Variants in STRIP2 observed in about 807,000 individuals in gnomAD.
STRIP2 encodes the protein striatin-interacting protein 2.
Under a neutral mutation model 107.1 loss-of-function variants are expected in STRIP2, and 84 were observed. That is an observed-to-expected ratio of 0.78 (90% CI 0.66 to 0.94). STRIP2 has a LOEUF of 0.94. Among genes scored for constraint, STRIP2 ranks in the 40% least tolerant of loss-of-function variants. STRIP2 has a pLI of 0.00. For missense variants in STRIP2, 888 were observed against 1,034.2 expected, an observed-to-expected ratio of 0.86 and a Z score of 1.94; for synonymous variants, 394 against 400.4, an observed-to-expected ratio of 0.98 and a Z score of 0.19.
intron 9 of STRIP2, among the ~76,000 whole-genome samples, chr7:129,456,996 A>C (rs1798379222): frequency 6.6e-6 from 1 of 152,168 alleles, no homozygotes; most frequent in African/African-American, 2.4e-5. Flanking sequence ...GTCTCCAAGC[A>C]AATCCATTTT....
intron 19 of STRIP2, among the ~76,000 whole-genome samples, chr7:129,481,401 G>A (rs942934645): frequency 6.6e-6 from 1 of 152,110 alleles, no homozygotes; most frequent in African/African-American, 2.4e-5. Flanking sequence ...GGAGGCTGAG[G>A]CAGGAGAATC....
intron 12 of STRIP2, 93 bp downstream of exon 12, chr7:129,459,673 C>G (rs1310876850): frequency 7.5e-6 from 8 of 1,060,472 alleles, no homozygotes; most frequent in Non-Finnish European, 1.2e-5. Context: ...GGCTTTTATA[C>G]CAGACTCTTT....
intron 18 of STRIP2, among the ~76,000 whole-genome samples, chr7:129,477,599 T>A (rs762620564): frequency 9.2e-5 from 14 of 152,196 alleles, no homozygotes; most frequent in Non-Finnish European, 1.5e-4. Flanking sequence ...TTCTCCTTCC[T>A]CCTTATCCAC....
In STRIP2 at chr7:129,466,772, TA is replaced by T. The variant is rs1798679935; in HGVS notation, c.1777-574del. ...GAAGGGCTCTTGTTCATTCATTTAT[TA>T]AAACATTTACTAATATTCTTTCCCC... is the stretch of plus-strand genomic sequence containing the variant. On this transcript the variant is annotated intron_variant, in intron 16 of 20. Coordinates refer to ENST00000249344, the MANE Select transcript of STRIP2 (RefSeq NM_020704.3). 2.6e-5 allele frequency among the ~76,000 whole-genome samples: 4 copies of T among 152,324 alleles called. No homozygotes were observed. In the South Asian group the frequency reaches 6.2e-4, roughly 24 times the overall value.
chr7:129,438,269 T>C (rs779655547), intron 1 of STRIP2, among the ~76,000 whole-genome samples: 1 of 152,224 alleles, frequency 6.6e-6, no homozygotes, highest in Non-Finnish European at 1.5e-5. Flanking sequence ...TCTATTACAG[T>C]TTGTTGCATA....
chr7:129,445,666 G>T (rs936367784), intron 3 of STRIP2, among the ~76,000 whole-genome samples: 3 of 152,112 alleles, frequency 2.0e-5, no homozygotes, highest in Admixed American at 6.6e-5. Flanking sequence ...CATTGTAATT[G>T]TGACTTCAAA....
At chr7:129,485,465 A>AAG in intron 20 of STRIP2, 114 bp from the exon 21 acceptor site, 1 of 1,248,732 alleles carries the variant, frequency 8.0e-7, no homozygotes, top group East Asian at 2.6e-5. Flanking sequence ...CAAAAAAAAA[A>AAG]AAAAAAAGAA....
Position 129,476,232 on chromosome 7 carries a change from G to C in STRIP2, c.1945-4553G>C, listed in dbSNP as rs1223191896. Among the ~76,000 whole-genome samples the C allele has an allele frequency of 2.0e-5, 3 of 151,148 alleles. No homozygotes were observed. In the South Asian group the frequency reaches 6.3e-4, roughly 32 times the overall value. The stretch of plus-strand genomic sequence containing the variant: ...TCCCGGACGGGGCGGCTGGCCGGGC[G>C]GGGGCTGCCCCCCACCTCCCTCCCG... On this transcript the variant is annotated intron_variant, in intron 18 of 20. Transcript: ENST00000249344.
chr7:129,470,122 T>A (rs1052249423), intron 17 of STRIP2, among the ~76,000 whole-genome samples: 1 of 152,208 alleles, frequency 6.6e-6, no homozygotes, highest in African/African-American at 2.4e-5. Context: ...GTTACTAGAT[T>A]AGCCTTTCTA....
chr7:129,451,164 C>T (rs1408913089), intron 3 of STRIP2, among the ~76,000 whole-genome samples: 5 of 152,040 alleles, frequency 3.3e-5, no homozygotes, highest in African/African-American at 1.2e-4. Context: ...TGGTCTCAAT[C>T]TCCTGACCTC....
At chr7:129,455,160 T>C in intron 7 of STRIP2, 84 bp from the exon 8 acceptor site, 1 of 1,497,476 alleles carries the variant, frequency 6.7e-7, no homozygotes, top group Non-Finnish European at 9.0e-7. Flanking sequence ...TGCCTTCCTG[T>C]GTGTGTCCAG....
chr7:129,476,425 C>G (rs1488988293), intron 18 of STRIP2, among the ~76,000 whole-genome samples: 1 of 146,624 alleles, frequency 6.8e-6, no homozygotes, highest in South Asian at 2.2e-4. Context: ...TCAGACGGGG[C>G]GGCTGCCGGG....
chr7:129,436,473 G>T (rs1381171089), intron 1 of STRIP2, among the ~76,000 whole-genome samples: 1 of 152,200 alleles, frequency 6.6e-6, no homozygotes, highest in Non-Finnish European at 1.5e-5. Flanking sequence ...TTTACCTGCT[G>T]ATTGTCTGCA....
chr7:129,462,332 G>A (rs1375888358), intron 13 of STRIP2, among the ~76,000 whole-genome samples: 1 of 152,228 alleles, frequency 6.6e-6, no homozygotes, highest in African/African-American at 2.4e-5. Context: ...CCCTGTAATA[G>A]AGGGACCTTG....
chr7:129,459,450 G>C, intron 11 of STRIP2, 67 bp from the exon 12 acceptor site: 1 of 1,326,392 alleles, frequency 7.5e-7, no homozygotes, highest in African/African-American at 1.4e-5. Context: ...ACTCTAGGGG[G>C]GTATTGGGGT....
At chr7:129,438,705 G>T (rs1486386920) in intron 1 of STRIP2, among the ~76,000 whole-genome samples, 1 of 152,124 alleles carries the variant, frequency 6.6e-6, no homozygotes. Context: ...GCCATAGGTG[G>T]GATCCCCAAG....
At chr7:129,467,193 A>G (rs1798689986) in intron 16 of STRIP2, among the ~76,000 whole-genome samples, 157 bp from the exon 17 acceptor site, 1 of 152,182 alleles carries the variant, frequency 6.6e-6, no homozygotes, top group South Asian at 2.1e-4. Context: ...GCTGAAGATG[A>G]TTCTTCCCAT....
chr7:129,472,775 C>CTTTTTTTTTTTTTTTTTTTTTTTTTTTT lies in STRIP2; in HGVS notation c.1944+2060_1944+2061insTTTTTTTTTTTTTTTTTTTTTTTTTTTT, dbSNP rs1491462474. Among the ~76,000 whole-genome samples the CTTTTTTTTTTTTTTTTTTTTTTTTTTTT allele has an allele frequency of 2.3e-4, 16 of 68,904 alleles. 8 individuals carry two copies. The highest frequency in any genetic ancestry group is 4.6e-4 in the Admixed American group (2 of 4,320). The allele number at this position is 68,904 out of a possible 152,430, so 45.2% of individuals were successfully genotyped here. A position where few individuals can be genotyped will look rare whatever the true frequency, so the allele number is the denominator to read the frequency against. The stretch of plus-strand genomic sequence containing the variant: ...AATATATAGAATTTTCTTTTCTTTT[C>CTTTTTTTTTTTTTTTTTTTTTTTTTTTT]CTTTTTTTTTTTTTTTTTTTTTTTT... On this transcript the variant is annotated intron_variant, in intron 18 of 20. Coordinates refer to ENST00000249344, the MANE Select transcript of STRIP2 (RefSeq NM_020704.3).
Position 129,465,391 on chromosome 7 carries a change from A to G in STRIP2, c.1776+653A>G, listed in dbSNP as rs141152229. Reference sequence around the variant, plus strand: ...CAGAAAAGCTAATATGCAAAAGTCCAGAGGGGGAAGAGAGAGAGCAAAGTA... The same window carrying G: ...CAGAAAAGCTAATATGCAAAAGTCCGGAGGGGGAAGAGAGAGAGCAAAGTA... On this transcript the variant is annotated intron_variant, in intron 16 of 20. Coordinates refer to ENST00000249344, the MANE Select transcript of STRIP2 (RefSeq NM_020704.3). 1.6e-4 allele frequency among the ~76,000 whole-genome samples: 24 copies of G among 152,316 alleles called. No individual in the cohort carries two copies. The East Asian group carries it at 3.9e-3, about 24-fold the overall frequency.
Sources: allele counts gnomAD v4.1 joint callset (sites outside exome capture counted in the v4.1 genomes callset), GRCh38; gene constraint gnomAD v4.1.1; transcripts MANE v1.5; gene names NCBI Gene and HGNC (gene_info 2026-07-23, HGNC 2026-07-21).